DOCK2: variants seen among roughly 807,000 people sequenced by gnomAD.
The protein encoded by DOCK2 is dedicator of cytokinesis 2.
In DOCK2, 87 loss-of-function variants were observed where a neutral mutation model predicts 248.9. The observed-to-expected ratio is 0.35, with a 90% CI of 0.29 to 0.42. DOCK2 has a LOEUF of 0.42. DOCK2 is among the 10% of genes least tolerant of loss of function. The pLI, the probability that DOCK2 is intolerant of heterozygous loss-of-function variation, is 1.00. For synonymous variants in DOCK2, 805 were observed against 821.6 expected (o/e 0.98, Z 0.35); for missense variants, 1,747 against 2,300.2 (o/e 0.76, Z 4.92).
rs1472764319 is a variant in DOCK2 at position 169,700,066 on chromosome 5, G to C, written c.1185G>C (p.Lys395Asn). The C allele has an allele frequency of 2.5e-6, 4 of 1,613,922 alleles. No individual in the cohort carries two copies. The highest frequency in any genetic ancestry group is 3.4e-6 in the Non-Finnish European group (4 of 1,179,948). Reference protein sequence around the residue: ...MLVGDIIQIRKDYPHLVDRTT... With the variant: ...MLVGDIIQIRNDYPHLVDRTT... ...TGGGTGACATCATTCAGATTCGCAAGGACTATCCACACCTGGTGGACAGGA... is the reference window on the plus strand; with the variant it reads ...TGGGTGACATCATTCAGATTCGCAACGACTATCCACACCTGGTGGACAGGA... Residue 395 changes from lysine to asparagine, a missense_variant, in exon 13 of 52, where the codon AAG (lysine) becomes AAC (asparagine). Coordinates refer to ENST00000520908, the MANE Select transcript of DOCK2 (RefSeq NM_004946.3).
intron 13 of DOCK2, among the ~76,000 whole-genome samples, chr5:169,700,675 T>C (rs1760914470): frequency 1.3e-5 from 2 of 152,272 alleles, no homozygotes; most frequent in East Asian, 1.9e-4. Context: ...GTGTATAATT[T>C]TAAAAAATGA....
At chr5:169,906,875 A>G (rs1365754323) in intron 27 of DOCK2, among the ~76,000 whole-genome samples, 3 of 152,324 alleles carry the variant, frequency 2.0e-5, no homozygotes, top group South Asian at 2.1e-4. Flanking sequence ...CCTGCTGGAA[A>G]TGTGCATGAG....
At chr5:169,880,988 A>G (rs2113499221) in intron 27 of DOCK2, among the ~76,000 whole-genome samples, 1 of 152,304 alleles carries the variant, frequency 6.6e-6, no homozygotes, top group Admixed American at 6.5e-5. Context: ...TTAAGATCAC[A>G]GGTTTGGGAT....
intron 27 of DOCK2, among the ~76,000 whole-genome samples, chr5:169,919,733 C>T (rs1483125116): frequency 6.6e-6 from 1 of 152,110 alleles, no homozygotes. Flanking sequence ...TTCTCTGAGT[C>T]CCCGCGAAAC....
chr5:169,992,666 T>C (rs192757580), intron 29 of DOCK2, among the ~76,000 whole-genome samples: 1 of 152,294 alleles, frequency 6.6e-6, no homozygotes, highest in African/African-American at 2.4e-5. Flanking sequence ...GGTTTCACCA[T>C]GTTGGCCAGG....
At chr5:169,688,226 C>G (rs1045494021) in intron 8 of DOCK2, among the ~76,000 whole-genome samples, 1 of 152,160 alleles carries the variant, frequency 6.6e-6, no homozygotes, top group Non-Finnish European at 1.5e-5. Flanking sequence ...GTGCCCAGCC[C>G]CCTTGAATCT....
chr5:170,042,099 C>T lies in DOCK2; in HGVS notation c.3843C>T (p.Tyr1281=), dbSNP rs151251345. The T allele has an allele frequency of 2.7e-5, 43 of 1,613,246 alleles. No homozygotes were observed. The highest frequency in any genetic ancestry group is 9.3e-5 in the African/African-American group (7 of 74,894). ...ACCGGCAGCTGAAGGAGACGCTCTA[C>T]GAGACCATCATAGGCTACTTTGACA... ...QTHRQLKETL[Y]ETIIGYFDKG... is the part of the protein sequence containing the mutation. Residue 1281 remains tyrosine, a synonymous_variant, in exon 38 of 52, where the codon TAC becomes TAT. Coordinates refer to ENST00000520908, the MANE Select transcript of DOCK2 (RefSeq NM_004946.3).
intron 27 of DOCK2, among the ~76,000 whole-genome samples, chr5:169,952,705 C>G (rs934143507): frequency 6.6e-6 from 1 of 152,180 alleles, no homozygotes; most frequent in Admixed American, 6.5e-5. Flanking sequence ...CTCCAGCCAG[C>G]CTTGCCCCTG....
chr5:170,063,484 C>T (rs1757399086), intron 44 of DOCK2, among the ~76,000 whole-genome samples: 1 of 152,154 alleles, frequency 6.6e-6, no homozygotes, highest in Non-Finnish European at 1.5e-5. Context: ...GGAAGGGGCA[C>T]ACACTTCCAG....
intron 28 of DOCK2, among the ~76,000 whole-genome samples, chr5:169,984,291 C>T (rs1204497025): frequency 6.6e-6 from 1 of 152,154 alleles, no homozygotes; most frequent in Non-Finnish European, 1.5e-5. Flanking sequence ...TTCATTTCCA[C>T]AGGAAGGGGA....
At position 169,684,341 on chromosome 5, in the gene DOCK2, C is replaced by T. The variant is rs78243868; in HGVS notation, c.752C>T (p.Thr251Met). Residue 251 changes from threonine (T) to methionine (M), a missense_variant, in exon 8 of 52, where the codon ACG (threonine) becomes ATG (methionine). By Grantham distance (81) the Thr-to-Met change is moderately conservative. Transcript: ENST00000520908. ...TCTCTCTACGACCCCAACAAGCAAACGGTCATAAGGTAGGTGTGTCCAGGG... is the reference window on the plus strand; with the variant it reads ...TCTCTCTACGACCCCAACAAGCAAATGGTCATAAGGTAGGTGTGTCCAGGG... The part of the protein sequence containing the change: ...FMSLYDPNKQ[T>M]VISENYLVRW... 14,704 of 1,614,052 alleles carry T rather than the reference C, an allele frequency of 9.1e-3. 114 individuals are homozygous for T. The highest frequency in any genetic ancestry group is 0.025 in the African/African-American group (1,839 of 75,008).
chr5:169,933,247 C>T (rs181938847), intron 27 of DOCK2, among the ~76,000 whole-genome samples: 11 of 152,356 alleles, frequency 7.2e-5, no homozygotes, highest in Admixed American at 5.9e-4. Flanking sequence ...GCTTCCCCTA[C>T]TTGGAGTGCA....
chr5:169,776,711 T>TC (rs1023814629), intron 25 of DOCK2, among the ~76,000 whole-genome samples: 1 of 152,178 alleles, frequency 6.6e-6, no homozygotes, highest in Non-Finnish European at 1.5e-5. Flanking sequence ...GCAGCAGTTT[T>TC]CCCCATGCTG....
intron 26 of DOCK2, among the ~76,000 whole-genome samples, chr5:169,835,705 C>T (rs1214145370): frequency 3.3e-5 from 5 of 152,104 alleles, no homozygotes; most frequent in African/African-American, 4.8e-5. Flanking sequence ...ACAAAAGTTC[C>T]TCTGGCAAGG....
At chr5:169,758,250 G>A (rs754356406) in intron 23 of DOCK2, among the ~76,000 whole-genome samples, 16 of 152,182 alleles carry the variant, frequency 1.1e-4, no homozygotes, top group Non-Finnish European at 2.1e-4. Flanking sequence ...GCAAGTTGCA[G>A]ACATGTATAT....
intron 27 of DOCK2, among the ~76,000 whole-genome samples, chr5:169,909,325 A>G (rs1389415756): frequency 6.6e-6 from 1 of 152,224 alleles, no homozygotes. Context: ...AGTATAGAAC[A>G]TTTCTTTCTA....
intron 2 of DOCK2, among the ~76,000 whole-genome samples, chr5:169,667,794 C>A (rs1758822629): frequency 6.6e-6 from 1 of 152,168 alleles, no homozygotes; most frequent in Non-Finnish European, 1.5e-5. Context: ...ACATAGGAAG[C>A]ACTTAGAAAG....
intron 30 of DOCK2, among the ~76,000 whole-genome samples, chr5:169,998,475 C>T (rs959634449): frequency 5.3e-5 from 8 of 152,196 alleles, no homozygotes; most frequent in Admixed American, 3.3e-4. Context: ...TAATAAAATG[C>T]GTAGCTGCCA....
At chr5:170,078,387 G>A (rs570928501) in intron 48 of DOCK2, among the ~76,000 whole-genome samples, 1 of 152,270 alleles carries the variant, frequency 6.6e-6, no homozygotes, top group South Asian at 2.1e-4. Context: ...GAGGGAAAAG[G>A]ATGGAAACGT....
Sources: gnomAD v4.1 joint callset for allele counts (sites outside exome capture counted in the v4.1 genomes callset) on GRCh38, gnomAD v4.1.1 for gene constraint, MANE v1.5 for transcripts, NCBI Gene and HGNC (gene_info 2026-07-23, HGNC 2026-07-21) for gene names.